Variants in PLEKHA5 observed in about 807,000 individuals in gnomAD.
PLEKHA5 encodes pleckstrin homology domain-containing family A member 5.
Under a neutral mutation model 181.9 loss-of-function variants are expected in PLEKHA5, and 55 were observed. That is an observed-to-expected ratio of 0.30 (90% CI 0.24 to 0.38). PLEKHA5 has a LOEUF of 0.38. Among genes scored for constraint, PLEKHA5 ranks in the 10% least tolerant of loss-of-function variants. The pLI is 1.00. For synonymous variants in PLEKHA5, 535 were observed against 529.4 expected (o/e 1.01, Z -0.15); for missense variants, 1,432 against 1,549.5 (o/e 0.92, Z 1.27).
At chr12:19,217,121 G>A (rs1592097961) in intron 3 of PLEKHA5, among the ~76,000 whole-genome samples, 1 of 152,322 alleles carries the variant, frequency 6.6e-6, no homozygotes, top group Middle Eastern at 3.4e-3. Flanking sequence ...TTGTAATTAT[G>A]ATTTTTAAAC....
At chr12:19,265,674 G>C (rs2070116426) in intron 7 of PLEKHA5, 76 bp from the exon 8 acceptor site, 2 of 804,920 alleles carry the variant, frequency 2.5e-6, no homozygotes, top group Non-Finnish European at 4.2e-6. Flanking sequence ...CTTTTGATTT[G>C]GCAAAAATAG....
At chr12:19,152,476 C>A (rs1427210553) in intron 3 of PLEKHA5, 1 of 152,158 alleles carries the variant, frequency 6.6e-6, no homozygotes, top group African/African-American at 2.4e-5. Context: ...AGATTTGTTT[C>A]TTTGAAAAGA....
chr12:19,307,039 G>A (rs543649093), intron 15 of PLEKHA5: 4 of 1,474,588 alleles, frequency 2.7e-6, no homozygotes, highest in South Asian at 2.3e-5. Context: ...TGCTGCGCTT[G>A]GGCTTCCTGG....
intron 3 of PLEKHA5, among the ~76,000 whole-genome samples, chr12:19,136,928 T>C (rs1445989983): frequency 2.0e-5 from 3 of 152,198 alleles, no homozygotes. Context: ...AAAAATCTGT[T>C]TCTTCAGATT....
At chr12:19,157,285 T>C (rs950799234) in intron 3 of PLEKHA5, among the ~76,000 whole-genome samples, 2 of 152,196 alleles carry the variant, frequency 1.3e-5, no homozygotes, top group Non-Finnish European at 2.9e-5. Context: ...AAATACTTTA[T>C]GTCAGATAAT....
intron 12 of PLEKHA5, 21 bp downstream of exon 12, chr12:19,283,766 G>A (rs763606738): frequency 5.4e-6 from 8 of 1,470,986 alleles, no homozygotes; most frequent in Non-Finnish European, 6.6e-6. Flanking sequence ...TGCTGATTTT[G>A]TGTTAACTCA....
intron 3 of PLEKHA5, among the ~76,000 whole-genome samples, chr12:19,203,347 C>G (rs1366496295): frequency 6.6e-6 from 1 of 152,110 alleles, no homozygotes; most frequent in Non-Finnish European, 1.5e-5. Context: ...TTCTTGCCAT[C>G]TGCTTCCAGA....
chr12:19,255,154 C>G lies in PLEKHA5; in HGVS notation c.421C>G (p.Pro141Ala). Residue 141 changes from proline to alanine, a missense_variant, in exon 5 of 32, where the codon CCT becomes GCT. Pro to Ala is a conservative substitution (Grantham distance 27, BLOSUM62 -1). This residue lies in a region of PLEKHA5 where 289 missense variants were observed against 381.1 expected (regional missense o/e 0.76). Coordinates refer to ENST00000429027, the MANE Select transcript of PLEKHA5 (RefSeq NM_001256470.2). ...TSDYAVHPMS[P>A]VGRTSRASKK... The stretch of plus-strand genomic sequence containing the variant: ...AGATTATGCAGTGCATCCAATGAGC[C>G]CTGTAGGCAGAGTAAGTTATTTTGC... 6.3e-7 allele frequency: 1 copy of G among 1,585,026 alleles called. No individual in the cohort carries two copies.
chr12:19,309,476 C>T (rs1025756381), intron 15 of PLEKHA5, among the ~76,000 whole-genome samples: 8 of 152,056 alleles, frequency 5.3e-5, no homozygotes, highest in African/African-American at 1.9e-4. Context: ...TAAGACAAAT[C>T]TGGGTGTAGT....
At chr12:19,315,729 A>G (rs964545587) in intron 16 of PLEKHA5, among the ~76,000 whole-genome samples, 3 of 152,168 alleles carry the variant, frequency 2.0e-5, no homozygotes, top group African/African-American at 7.2e-5. Flanking sequence ...AAAAATGAAT[A>G]TATATTTTGA....
intron 3 of PLEKHA5, among the ~76,000 whole-genome samples, chr12:19,189,037 A>G (rs1324966689): frequency 6.6e-6 from 1 of 152,202 alleles, no homozygotes; most frequent in Non-Finnish European, 1.5e-5. Flanking sequence ...ACACAGGTCA[A>G]TAAAGTGTGT....
Position 19,129,761 on chromosome 12 carries a change from G to T in PLEKHA5, c.-39G>T. On this transcript the variant is annotated 5_prime_UTR_variant, in exon 1 of 32. Transcript: ENST00000429027. ...CCCTCCTCCCTCGGCAGCCGCGGCG[G>T]CAGCAGGAGAAGGCGGCGGCGGCGG... The T allele has an allele frequency of 1.3e-6, 2 of 1,492,058 alleles. No homozygotes were observed. The highest frequency in any genetic ancestry group is 1.8e-6 in the Non-Finnish European group (2 of 1,083,308). The allele number at this position is 1,492,058 out of a possible 1,614,324, so 92.4% of individuals were successfully genotyped here. A position where few individuals can be genotyped will look rare whatever the true frequency, so the allele number is the denominator to read the frequency against.
chr12:19,142,683 A>G (rs768330080), intron 3 of PLEKHA5, among the ~76,000 whole-genome samples: 3 of 152,164 alleles, frequency 2.0e-5, no homozygotes, highest in Non-Finnish European at 4.4e-5. Flanking sequence ...TCACATATCC[A>G]CCTATAATCT....
At chr12:19,226,499 C>G (rs1461632009) in intron 3 of PLEKHA5, among the ~76,000 whole-genome samples, 4 of 152,076 alleles carry the variant, frequency 2.6e-5, no homozygotes, top group African/African-American at 9.7e-5. Context: ...TTGTGTCCAA[C>G]TTTTTGAGCT....
At position 19,358,128 on chromosome 12, in the gene PLEKHA5, GA is replaced by G. The variant is rs2095050236; in HGVS notation, c.3139-96del. 15 of 808,026 alleles carry G rather than the reference GA, an allele frequency of 1.9e-5. No individual in the cohort carries two copies. The South Asian group carries it at 2.7e-4, about 15-fold the overall frequency. The allele number at this position is 808,026 out of a possible 1,614,324, so 50.1% of individuals were successfully genotyped here. On this transcript the variant is annotated intron_variant, in intron 26 of 31. Coordinates refer to ENST00000429027, the MANE Select transcript of PLEKHA5 (RefSeq NM_001256470.2). ...ATTCAAAACCTCTTCTTGTGATTTT[GA>G]AAACAAAATAAATAAATGCACTTTA...
chr12:19,162,731 G>T (rs756171917), intron 3 of PLEKHA5, among the ~76,000 whole-genome samples: 5 of 152,138 alleles, frequency 3.3e-5, no homozygotes, highest in Non-Finnish European at 7.3e-5. Flanking sequence ...CTGCCTCTCA[G>T]TTTGCTCATA....
intron 3 of PLEKHA5, among the ~76,000 whole-genome samples, chr12:19,135,280 T>TA (rs2035274996): frequency 6.6e-6 from 1 of 152,138 alleles, no homozygotes; most frequent in African/African-American, 2.4e-5. Context: ...CTGTAGGTGG[T>TA]AAGAGGAGAG....
intron 11 of PLEKHA5, among the ~76,000 whole-genome samples, chr12:19,276,558 G>A (rs2074574649): frequency 1.3e-5 from 2 of 152,134 alleles, no homozygotes; most frequent in African/African-American, 2.4e-5. Flanking sequence ...AGACATTTTA[G>A]TGCTCACCTG....
At chr12:19,368,377 C>T (rs1392953332) in intron 30 of PLEKHA5, among the ~76,000 whole-genome samples, 2 of 152,088 alleles carry the variant, frequency 1.3e-5, no homozygotes, top group Non-Finnish European at 2.9e-5. Flanking sequence ...CACTATAGAC[C>T]CAGCTTCTCA....
Sources: allele counts gnomAD v4.1 joint callset (sites outside exome capture counted in the v4.1 genomes callset), GRCh38; gene constraint gnomAD v4.1.1; regional missense constraint gnomAD v4.1.1; transcripts MANE v1.5; gene names NCBI Gene and HGNC (gene_info 2026-07-23, HGNC 2026-07-21).